The following GLT8D2 variants were observed in gnomAD, a reference collection of about 807,000 sequenced individuals.
GLT8D2 encodes glycosyltransferase 8 domain-containing protein 2.
GLT8D2 carries 45 observed loss-of-function variants against 44.5 expected under a neutral mutation model. That is an observed-to-expected ratio of 1.01 (90% CI 0.80 to 1.30). The LOEUF (loss-of-function observed/expected upper bound fraction) is 1.30, where lower values mean the gene tolerates loss of function less well. Among genes scored for constraint, GLT8D2 ranks in the 50% most tolerant of loss-of-function variants. The pLI, the probability that GLT8D2 is intolerant of heterozygous loss-of-function variation, is 0.00. For missense variants in GLT8D2, 400 were observed against 430.4 expected, an observed-to-expected ratio of 0.93 and a Z score of 0.62; for synonymous variants, 156 against 157.2, an observed-to-expected ratio of 0.99 and a Z score of 0.06.
At chr12:104,060,839 C>T (rs1192892482) in intron 1 of GLT8D2, among the ~76,000 whole-genome samples, 1 of 152,060 alleles carries the variant, frequency 6.6e-6, no homozygotes, top group African/African-American at 2.4e-5. Context: ...GGGAGGATCA[C>T]TTAAGCCTGG....
rs751531090 is a variant in GLT8D2, at chr12:103,999,352, G to A, written c.402+45C>T. 19 of 1,051,504 alleles carry A rather than the reference G, an allele frequency of 1.8e-5. No individual in the cohort carries two copies. In the South Asian group the frequency reaches 2.3e-4, roughly 13 times the overall value. 65.1% of individuals were successfully genotyped at this position (1,051,504 alleles called of 1,614,324 possible). A position where few individuals can be genotyped will look rare whatever the true frequency, so the allele number is the denominator to read the frequency against. ...ACTAGCACTCCTTTACTGAACAAAG[G>A]TCTCACCAAGGACTGTCCCCAGCAC... On this transcript the variant is annotated intron_variant, in intron 6 of 10. Coordinates refer to ENST00000360814, the MANE Select transcript of GLT8D2 (RefSeq NM_001384711.1).
At position 104,023,714 on chromosome 12, in the gene GLT8D2, G is replaced by A. The variant is rs767404413; in HGVS notation, c.-163-2223C>T. On this transcript the variant is annotated intron_variant, in intron 1 of 10. Transcript: ENST00000360814. ...GGCCCTGCCCAACACCCAGCCCTTGGCAACCACTGATAGGTTCTCTGTCTC... is the reference window on the plus strand; with the variant it reads ...GGCCCTGCCCAACACCCAGCCCTTGACAACCACTGATAGGTTCTCTGTCTC... 4.6e-5 allele frequency among the ~76,000 whole-genome samples: 7 copies of A among 152,122 alleles called. 1 individual carries two copies. Among genetic ancestry groups the A allele is most frequent in the Non-Finnish European group, 1.0e-4 (7 of 68,028 alleles).
intron 4 of GLT8D2, among the ~76,000 whole-genome samples, chr12:104,006,061 G>T (rs911918789): frequency 2.6e-5 from 4 of 152,208 alleles, no homozygotes; most frequent in Admixed American, 6.6e-5. Flanking sequence ...CCATAAAAAA[G>T]GATGAGTTCA....
intron 4 of GLT8D2, among the ~76,000 whole-genome samples, chr12:104,012,016 A>T (rs1232294453): frequency 6.6e-6 from 1 of 151,714 alleles, no homozygotes; most frequent in Non-Finnish European, 1.5e-5. Flanking sequence ...TCCTAAAAAT[A>T]CAAAATTAGC....
intron 1 of GLT8D2, among the ~76,000 whole-genome samples, chr12:104,035,766 C>G (rs903128913): frequency 5.3e-5 from 8 of 152,160 alleles, no homozygotes; most frequent in Admixed American, 5.2e-4. Context: ...TCCAGGAGAA[C>G]TTCCCCAACC....
At chr12:104,000,820 A>T (rs1181639784) in intron 5 of GLT8D2, among the ~76,000 whole-genome samples, 1 of 152,232 alleles carries the variant, frequency 6.6e-6, no homozygotes, top group Non-Finnish European at 1.5e-5. Flanking sequence ...AAGCATACAC[A>T]AGACATCAAA....
rs2136378710 is a variant in GLT8D2, at chr12:104,021,394, T to G, written c.-66A>C. On this transcript the variant is annotated 5_prime_UTR_variant, in exon 2 of 11. Coordinates refer to ENST00000360814, the MANE Select transcript of GLT8D2 (RefSeq NM_001384711.1). ...CCTTTCCTATGGCAGGCCCAGGGAC[T>G]ATTCAAGAACAGATGTCCAATACTC... 6.6e-6 allele frequency: 1 copy of G among 152,440 alleles called. No individual in the cohort carries two copies. Among genetic ancestry groups the G allele is most frequent in the South Asian group, 2.1e-4 (1 of 4,832 alleles). The allele number at this position is 152,440 out of a possible 1,614,324, so 9.4% of individuals were successfully genotyped here.
chr12:103,994,313 T>G lies in GLT8D2; in HGVS notation c.767+22A>C, dbSNP rs761845642. On this transcript the variant is annotated intron_variant, in intron 9 of 10. Coordinates refer to ENST00000360814, the MANE Select transcript of GLT8D2 (RefSeq NM_001384711.1). ...ATTTTGTTTCCAAGCATGGAAAAAA[T>G]GGTAGAGAAGCCTTCACGTACTCCA... The G allele has an allele frequency of 7.6e-6, 12 of 1,570,040 alleles. No individual in the cohort carries two copies. In the East Asian group the frequency reaches 2.7e-4, roughly 36 times the overall value.
Position 103,993,463 on chromosome 12 carries a change from GTGGCCACCCCTCCTCCCAGGGAGC to G in GLT8D2, c.785_808del (p.Ser262_Ala269del). 3 of 1,612,512 alleles carry G rather than the reference GTGGCCACCCCTCCTCCCAGGGAGC, an allele frequency of 1.9e-6. No individual in the cohort carries two copies. Among genetic ancestry groups the G allele is most frequent in the Non-Finnish European group, 2.5e-6 (3 of 1,179,312 alleles). On this transcript the variant is annotated inframe_deletion, in exon 10 of 11. Transcript: ENST00000360814. ...ATGAAACACAATCAGCATTGGGGAG[GTGGCCACCCCTCCTCCCAGGGAGC>G]TGCTATAGAGGTTTTCCCTAAGAAA...
chr12:103,990,530 A>T (rs910486242), intron 10 of GLT8D2, among the ~76,000 whole-genome samples: 1 of 152,130 alleles, frequency 6.6e-6, no homozygotes, highest in African/African-American at 2.4e-5. Context: ...AAAAATCTCT[A>T]TAGTGTTCGA....
chr12:104,053,767 C>T (rs1040651228), upstream of GLT8D2, among the ~76,000 whole-genome samples: 1 of 151,732 alleles, frequency 6.6e-6, no homozygotes, highest in African/African-American at 2.4e-5. Flanking sequence ...GCCTGTAGTC[C>T]CAACTACTCG....
chr12:104,050,534 T>A (rs1881610856), upstream of GLT8D2, among the ~76,000 whole-genome samples: 3 of 152,132 alleles, frequency 2.0e-5, no homozygotes, highest in African/African-American at 2.4e-5. Context: ...GACAAAAGTT[T>A]CAGGATGGAG....
intron 1 of GLT8D2, chr12:104,063,807 G>C (rs1035906202): frequency 4.6e-5 from 7 of 152,252 alleles, no homozygotes; most frequent in African/African-American, 1.4e-4. Context: ...ACACTGGATT[G>C]CTGGATGGAT....
chr12:104,004,153 G>C lies in GLT8D2; in HGVS notation c.113-847C>G, dbSNP rs188110866. 1.3e-4 allele frequency among the ~76,000 whole-genome samples: 20 copies of C among 152,272 alleles called. No homozygotes were observed. The East Asian group carries it at 3.9e-3, about 29-fold the overall frequency. On this transcript the variant is annotated intron_variant, in intron 4 of 10. Coordinates refer to ENST00000360814, the MANE Select transcript of GLT8D2 (RefSeq NM_001384711.1). The stretch of plus-strand genomic sequence containing the variant: ...CCCCATGATTATATCAATAGAAGCA[G>C]AAAAGGCCTTTGACAAAATTCGACA...
intron 6 of GLT8D2, 132 bp downstream of exon 6, chr12:103,999,265 G>T: frequency 1.7e-6 from 1 of 601,522 alleles, no homozygotes; most frequent in East Asian, 2.6e-5. Context: ...ATACATAAGC[G>T]GAGTTTGGTG....
At chr12:104,014,449 C>T (rs963169889) in intron 4 of GLT8D2, 3 of 581,532 alleles carry the variant, frequency 5.2e-6, no homozygotes, top group African/African-American at 1.9e-5. Context: ...TTTGAAGGTG[C>T]CATCTCAGGC....
chr12:104,058,877 C>T (rs1459145909), intron 1 of GLT8D2, among the ~76,000 whole-genome samples: 1 of 152,138 alleles, frequency 6.6e-6, no homozygotes, highest in South Asian at 2.1e-4. Context: ...ATTCAAAGAC[C>T]CCCAGAGATG....
At chr12:104,014,779 CTG>C (rs1035571218) in intron 4 of GLT8D2, among the ~76,000 whole-genome samples, 2 of 152,188 alleles carry the variant, frequency 1.3e-5, no homozygotes, top group African/African-American at 4.8e-5. Context: ...GGGCCCAGTG[CTG>C]TGTTTTAACA....
chr12:104,012,170 C>CAAAAA (rs10571369), intron 4 of GLT8D2, among the ~76,000 whole-genome samples: 1 of 83,282 alleles, frequency 1.2e-5, no homozygotes, highest in African/African-American at 4.8e-5. Flanking sequence ...AACTCTGTCT[C>CAAAAA]AAAAAAAAAA....
Sources: allele counts gnomAD v4.1 joint callset (sites outside exome capture counted in the v4.1 genomes callset), GRCh38; gene constraint gnomAD v4.1.1; transcripts MANE v1.5; gene names NCBI Gene and HGNC (gene_info 2026-07-23, HGNC 2026-07-21).